BANP: variants seen among roughly 807,000 people sequenced by gnomAD.
BANP encodes protein BANP.
A neutral mutation model predicts 68.1 loss-of-function variants in BANP; 11 were observed. The observed-to-expected ratio is 0.16, with a 90% CI of 0.10 to 0.27. The LOEUF (loss-of-function observed/expected upper bound fraction) is 0.27, where lower values mean the gene tolerates loss of function less well. Ranked by LOEUF, BANP falls within the 10% of genes least tolerant of loss-of-function variation. The pLI is 1.00. For missense variants in BANP, 504 were observed against 722.7 expected, an observed-to-expected ratio of 0.70 and a Z score of 3.47; for synonymous variants, 329 against 303.2, an observed-to-expected ratio of 1.09 and a Z score of -0.88.
chr16:88,050,541 G>T (rs2083010714), intron 11 of BANP, among the ~76,000 whole-genome samples: 1 of 152,202 alleles, frequency 6.6e-6, no homozygotes, highest in Non-Finnish European at 1.5e-5. Flanking sequence ...ACTGCCAGCG[G>T]CCTAAGTGGC....
At chr16:88,022,960 A>G (rs12149467) in intron 7 of BANP, among the ~76,000 whole-genome samples, 98,589 of 152,002 alleles carry the variant, frequency 0.65, 33,307 homozygotes, top group Non-Finnish European at 0.77. Context: ...GGGGTCCTGG[A>G]CCAGGACGTG....
At chr16:88,039,208 C>T (rs892529024) in intron 11 of BANP, among the ~76,000 whole-genome samples, 9 of 152,026 alleles carry the variant, frequency 5.9e-5, no homozygotes, top group Non-Finnish European at 1.3e-4. Context: ...GGTAGTCCTG[C>T]AGCATCGCTC....
chr16:88,057,762 G>T lies in BANP; in HGVS notation c.1312-7505G>T, dbSNP rs948637972. ...GGGCCATCTGGGTGGGGCGGGGGGG[G>T]GGGTGCGTGCAGTGACTCGCGCTGG... is the stretch of plus-strand genomic sequence containing the variant. On this transcript the variant is annotated intron_variant, in intron 11 of 13. Coordinates refer to ENST00000682872, the MANE Select transcript of BANP (RefSeq NM_001386991.1). The surrounding 1 kb of genome is among the most constrained non-coding windows in gnomAD (Gnocchi z 4.6). 4.1e-5 allele frequency among the ~76,000 whole-genome samples: 6 copies of T among 145,002 alleles called. No homozygotes were observed. In the South Asian group the frequency reaches 7.0e-4, roughly 17 times the overall value.
intron 12 of BANP, among the ~76,000 whole-genome samples, chr16:88,068,447 G>A (rs1315209680): frequency 6.6e-6 from 1 of 152,210 alleles, no homozygotes; most frequent in East Asian, 1.9e-4. Context: ...GTTGAGAAAC[G>A]CTGGTTCAGG....
At chr16:88,019,251 A>G (rs539094623) in intron 7 of BANP, among the ~76,000 whole-genome samples, 66 of 152,262 alleles carry the variant, frequency 4.3e-4, no homozygotes, top group Admixed American at 1.2e-3. Flanking sequence ...CTGCCCTTCA[A>G]TGGCGTTTGA....
At chr16:88,055,342 A>T (rs1467840342) in intron 11 of BANP, among the ~76,000 whole-genome samples, 1 of 151,662 alleles carries the variant, frequency 6.6e-6, no homozygotes, top group Non-Finnish European at 1.5e-5. Flanking sequence ...ACGCGTGTAC[A>T]TTTAGTAAAG....
intron 11 of BANP, 90 bp from the exon 12 acceptor site, chr16:88,065,150 ACCCCGTGGCTTTACCGGAGGGCAGAAG>A: frequency 1.8e-6 from 1 of 566,542 alleles, no homozygotes; most frequent in Non-Finnish European, 3.2e-6. Context: ...ACGACCACAG[ACCCCGTGGCTTTACCGGAGGGCAGAAG>A]CCCATCCTGG....
chr16:88,074,835 C>T (rs565385186), intron 13 of BANP, among the ~76,000 whole-genome samples: 14 of 152,280 alleles, frequency 9.2e-5, no homozygotes, highest in Middle Eastern at 3.4e-3. Context: ...ATACTGACCC[C>T]TCATCCTACC....
At chr16:87,975,332 C>G in intron 2 of BANP, 147 bp downstream of exon 2, 2 of 773,564 alleles carry the variant, frequency 2.6e-6, no homozygotes, top group Non-Finnish European at 2.1e-6. Flanking sequence ...GATGTGAACA[C>G]TGTCGGCCCC....
In BANP at chr16:87,957,480, T is replaced by C. The variant is rs2058318628; in HGVS notation, c.-69+5965T>C. On this transcript the variant is annotated intron_variant, in intron 1 of 13. Coordinates refer to ENST00000682872, the MANE Select transcript of BANP (RefSeq NM_001386991.1). This position sits in a 1 kb window ranked among gnomAD's most constrained non-coding sequence, Gnocchi z 4.3. ...GACCGGGTGGGCTGGTGTGGAGTCC[T>C]GTCAGGAGACCTGGGGCGGTTTTGA... Among the ~76,000 whole-genome samples, 2 of 152,170 alleles carry C rather than the reference T, an allele frequency of 1.3e-5. No individual in the cohort carries two copies. Among genetic ancestry groups the C allele is most frequent in the Non-Finnish European group, 2.9e-5 (2 of 68,014 alleles).
intron 1 of BANP, among the ~76,000 whole-genome samples, chr16:87,971,817 G>A (rs548047841): frequency 9.9e-5 from 15 of 152,106 alleles, no homozygotes; most frequent in Middle Eastern, 3.4e-3. Context: ...TTTCGAGACA[G>A]GGTCTCGTTC....
chr16:87,971,078 T>C (rs2061028489), intron 1 of BANP, among the ~76,000 whole-genome samples: 1 of 152,058 alleles, frequency 6.6e-6, no homozygotes, highest in African/African-American at 2.4e-5. Context: ...GTAACATTTG[T>C]TTTTGTTAGT....
At chr16:88,048,503 G>C (rs139749088) in intron 11 of BANP, among the ~76,000 whole-genome samples, 3 of 151,070 alleles carry the variant, frequency 2.0e-5, no homozygotes, top group African/African-American at 7.3e-5. Flanking sequence ...TCGAGTCGGC[G>C]CTCACCACGG....
At position 88,014,191 on chromosome 16, in the gene BANP, T is replaced by G. The variant is rs1049482381; in HGVS notation, c.656-4237T>G. Among the ~76,000 whole-genome samples, 2 of 152,204 alleles carry G rather than the reference T, an allele frequency of 1.3e-5. 1 individual carries two copies. The highest frequency in any genetic ancestry group is 6.3e-3 in the Middle Eastern group (2 of 316). Reference sequence around the variant, plus strand: ...CTGGTTGTGGAGGGAGGGCTCATTGTGACCTGCAGTGCAGGAGGAGTCACC... The same window carrying G: ...CTGGTTGTGGAGGGAGGGCTCATTGGGACCTGCAGTGCAGGAGGAGTCACC... On this transcript the variant is annotated intron_variant, in intron 6 of 13. Coordinates refer to ENST00000682872, the MANE Select transcript of BANP (RefSeq NM_001386991.1).
intron 4 of BANP, among the ~76,000 whole-genome samples, chr16:87,998,817 C>T (rs1447400061): frequency 5.0e-5 from 7 of 140,680 alleles, no homozygotes; most frequent in Middle Eastern, 4.7e-3. Flanking sequence ...CTTCCAGACA[C>T]GTCTCCGTGC....
At chr16:88,045,070 CTTGAA>C (rs1465893384) in intron 11 of BANP, among the ~76,000 whole-genome samples, 1 of 152,080 alleles carries the variant, frequency 6.6e-6, no homozygotes, top group Admixed American at 6.6e-5. Flanking sequence ...GATAATTGTT[CTTGAA>C]TTGGGAAGCT....
intron 11 of BANP, among the ~76,000 whole-genome samples, chr16:88,043,118 C>A (rs9927732): frequency 2.6e-5 from 4 of 152,072 alleles, no homozygotes; most frequent in African/African-American, 4.8e-5. Context: ...GTGTGTGGAC[C>A]TGTGCTGCCC....
intron 1 of BANP, among the ~76,000 whole-genome samples, chr16:87,959,249 T>G (rs994932855): frequency 2.0e-5 from 3 of 152,222 alleles, no homozygotes; most frequent in Admixed American, 2.0e-4. Flanking sequence ...ACATTTGAGT[T>G]TTATGTAATT....
intron 13 of BANP, among the ~76,000 whole-genome samples, chr16:88,072,761 C>G (rs1158565085): frequency 2.0e-5 from 3 of 152,258 alleles, no homozygotes; most frequent in Non-Finnish European, 4.4e-5. Context: ...GAGGCCCAGA[C>G]AAGAGCCCCG....
Sources: gnomAD v4.1 joint callset for allele counts (sites outside exome capture counted in the v4.1 genomes callset) on GRCh38, gnomAD v4.1.1 for gene constraint, Gnocchi (gnomAD v3.1) non-coding constraint, MANE v1.5 for transcripts, NCBI Gene and HGNC (gene_info 2026-07-23, HGNC 2026-07-21) for gene names.